Variants in SPAG16 observed in about 807,000 individuals in gnomAD.
SPAG16 encodes the protein sperm associated antigen 16, also known as sperm-associated antigen 16 protein.
SPAG16 carries 86 observed loss-of-function variants against 80.4 expected under a neutral mutation model. That is an observed-to-expected ratio of 1.07 (90% confidence interval 0.90 to 1.28). The LOEUF is 1.28. Ranked by LOEUF, SPAG16 falls within the 50% of genes most tolerant of loss-of-function variation. The pLI is 0.00. For synonymous variants in SPAG16, 294 were observed against 265.9 expected, an observed-to-expected ratio of 1.11 and a Z score of -1.03; for missense variants, 870 against 765.3, an observed-to-expected ratio of 1.14 and a Z score of -1.61.
intron 10 of SPAG16, among the ~76,000 whole-genome samples, chr2:213,861,472 G>T (rs886523754): frequency 6.6e-6 from 1 of 152,152 alleles, no homozygotes; most frequent in Non-Finnish European, 1.5e-5. Context: ...ATGAACATGT[G>T]ATCGCTGTTT....
In SPAG16 at chr2:213,689,721, T is replaced by C. The variant is rs557566660; in HGVS notation, c.1071-172764T>C. Among the ~76,000 whole-genome samples the C allele has an allele frequency of 2.6e-5, 4 of 152,256 alleles. No individual in the cohort carries two copies. In the South Asian group the frequency reaches 8.3e-4, roughly 32 times the overall value. On this transcript the variant is annotated intron_variant, in intron 10 of 15. Coordinates refer to ENST00000331683, the MANE Select transcript of SPAG16 (RefSeq NM_024532.5). ...TGGCTCTTTTCATATCCTTGGTTAG[T>C]GTCCTAACAAACATGTGCTAATTAG...
chr2:214,321,441 A>G (rs182706651), intron 15 of SPAG16, among the ~76,000 whole-genome samples: 1 of 152,314 alleles, frequency 6.6e-6, no homozygotes, highest in Non-Finnish European at 1.5e-5. Flanking sequence ...TTTACAAATC[A>G]CTGTGGTAAG....
intron 12 of SPAG16, among the ~76,000 whole-genome samples, chr2:213,999,175 G>GC (rs147099279): frequency 0.025 from 3,773 of 152,306 alleles, 150 homozygotes; most frequent in African/African-American, 0.086. Flanking sequence ...CTTCACGGCA[G>GC]CCCCTCCCAT....
intron 15 of SPAG16, among the ~76,000 whole-genome samples, chr2:214,223,581 G>A (rs78831594): frequency 2.1e-3 from 322 of 152,040 alleles, no homozygotes; most frequent in African/African-American, 7.5e-3. Flanking sequence ...AAAATTTAAA[G>A]CAATAAAATA....
chr2:214,186,460 A>G (rs1471730120), intron 15 of SPAG16, among the ~76,000 whole-genome samples: 1 of 152,130 alleles, frequency 6.6e-6, no homozygotes, highest in Non-Finnish European at 1.5e-5. Flanking sequence ...GAAGATGATG[A>G]AATTATTTAG....
At chr2:213,608,701 G>C (rs1242507706) in intron 10 of SPAG16, among the ~76,000 whole-genome samples, 2 of 152,196 alleles carry the variant, frequency 1.3e-5, no homozygotes, top group Admixed American at 1.3e-4. Context: ...TAATGGGATG[G>C]GAGGTGGAGT....
At chr2:213,893,510 G>T (rs2076869171) in intron 11 of SPAG16, among the ~76,000 whole-genome samples, 1 of 152,084 alleles carries the variant, frequency 6.6e-6, no homozygotes, top group African/African-American at 2.4e-5. Flanking sequence ...AATAGTTACA[G>T]GAACCTGTTA....
intron 12 of SPAG16, among the ~76,000 whole-genome samples, chr2:213,995,807 T>C (rs2046487571): frequency 6.6e-6 from 1 of 152,202 alleles, no homozygotes; most frequent in Non-Finnish European, 1.5e-5. Context: ...AGGACTAGGA[T>C]CCAGCCTCTC....
At chr2:213,402,410 A>G (rs1049610794) in intron 9 of SPAG16, among the ~76,000 whole-genome samples, 8 of 151,862 alleles carry the variant, frequency 5.3e-5, no homozygotes, top group South Asian at 2.1e-4. Context: ...CCAAAAATTT[A>G]TTTATAGTTT....
At chr2:214,237,664 A>C (rs1323721893) in intron 15 of SPAG16, among the ~76,000 whole-genome samples, 1 of 152,120 alleles carries the variant, frequency 6.6e-6, no homozygotes, top group Non-Finnish European at 1.5e-5. Context: ...ATTAAACAAT[A>C]ATATGTATAA....
At chr2:213,457,977 A>G (rs909808273) in intron 9 of SPAG16, among the ~76,000 whole-genome samples, 5 of 151,638 alleles carry the variant, frequency 3.3e-5, no homozygotes, top group African/African-American at 1.2e-4. Context: ...TTTAGTGGAC[A>G]TATTACAGAT....
chr2:214,250,391 ATATTT>A (rs907979447), intron 15 of SPAG16, among the ~76,000 whole-genome samples: 7 of 151,626 alleles, frequency 4.6e-5, no homozygotes, highest in Non-Finnish European at 7.4e-5. Context: ...TATGTTAAAT[ATATTT>A]TAAGTATTTA....
chr2:214,276,910 C>A (rs564322999), intron 15 of SPAG16, among the ~76,000 whole-genome samples: 1 of 151,862 alleles, frequency 6.6e-6, no homozygotes. Context: ...CCATTCTCCC[C>A]GTCACTTTCA....
At position 213,945,434 on chromosome 2, in the gene SPAG16, C is replaced by G. The variant is rs144590262; in HGVS notation, c.1400+15289C>G. On this transcript the variant is annotated intron_variant, in intron 12 of 15. Coordinates refer to ENST00000331683, the MANE Select transcript of SPAG16 (RefSeq NM_024532.5). ...GCTTGTGGAGCAAGGAGACCCAGTC[C>G]GAGTCTCAAAACTGAAGAACGTGGA... 2.6e-5 allele frequency among the ~76,000 whole-genome samples: 4 copies of G among 151,832 alleles called. No homozygotes were observed. The East Asian group carries it at 5.9e-4, about 22-fold the overall frequency.
chr2:213,750,078 G>GA (rs1473404215), intron 10 of SPAG16, among the ~76,000 whole-genome samples: 2 of 152,072 alleles, frequency 1.3e-5, no homozygotes, highest in African/African-American at 4.8e-5. Context: ...TTGTATCCTG[G>GA]AAATAATAAC....
chr2:213,742,922 G>C (rs2067637920), intron 10 of SPAG16, among the ~76,000 whole-genome samples: 1 of 149,826 alleles, frequency 6.7e-6, no homozygotes, highest in African/African-American at 2.5e-5. Flanking sequence ...TTGTTTTTTT[G>C]AGACGGAGTC....
At chr2:213,810,432 T>C (rs1014794846) in intron 10 of SPAG16, among the ~76,000 whole-genome samples, 2 of 152,192 alleles carry the variant, frequency 1.3e-5, no homozygotes, top group Admixed American at 6.5e-5. Context: ...TAGACTCATA[T>C]GACATTATGG....
rs1237475562 is a variant in SPAG16, at chr2:213,930,077, G to A, written c.1332G>A (p.Trp444Ter). Residue 444 changes from tryptophan to a stop codon, truncating the protein, a stop_gained, in exon 12 of 16, where the codon TGG (tryptophan) becomes TGA (stop). Coordinates refer to ENST00000331683, the MANE Select transcript of SPAG16 (RefSeq NM_024532.5). LOFTEE classifies it high-confidence loss of function. ...GCCGCGCAGTGTGGTCCTGCACATGGCACTCCTGCGGCAATTTTGTGGCTT... is the reference window on the plus strand; with the variant it reads ...GCCGCGCAGTGTGGTCCTGCACATGACACTCCTGCGGCAATTTTGTGGCTT... ...GHSRAVWSCT[W>*]HSCGNFVASS... 2.5e-6 allele frequency: 4 copies of A among 1,614,020 alleles called. No homozygotes were observed. The highest frequency in any genetic ancestry group is 3.4e-6 in the Non-Finnish European group (4 of 1,179,942).
At chr2:214,145,399 A>G (rs923302652) in intron 14 of SPAG16, among the ~76,000 whole-genome samples, 5 of 152,082 alleles carry the variant, frequency 3.3e-5, no homozygotes, top group Admixed American at 1.3e-4. Flanking sequence ...TGGTTTTTTC[A>G]TAATACATTT....
Sources: allele counts gnomAD v4.1 joint callset (sites outside exome capture counted in the v4.1 genomes callset), GRCh38; gene constraint gnomAD v4.1.1; transcripts MANE v1.5; gene names NCBI Gene and HGNC (gene_info 2026-07-23, HGNC 2026-07-21).